Variants in PTPN1 observed in about 807,000 individuals in gnomAD.
PTPN1 encodes the protein protein tyrosine phosphatase non-receptor type 1.
PTPN1 carries 12 observed loss-of-function variants against 59.9 expected under a neutral mutation model. The ratio of observed to expected loss-of-function variants is 0.20; its 90% CI spans 0.13 to 0.32. PTPN1 has a LOEUF of 0.32. PTPN1 is among the 10% of genes least tolerant of loss of function. The probability of loss-of-function intolerance (pLI) is 1.00; values close to 1 mark genes in which losing one functional copy is unlikely to be tolerated. For synonymous variants in PTPN1, 178 were observed against 203.6 expected, an observed-to-expected ratio of 0.87 and a Z score of 1.07; for missense variants, 356 against 549.2, an observed-to-expected ratio of 0.65 and a Z score of 3.52.
intron 4 of PTPN1, chr20:50,571,050 T>C (rs191519127): frequency 6.6e-6 from 1 of 152,400 alleles, no homozygotes; most frequent in African/African-American, 2.4e-5. Context: ...AAGGTTTGCT[T>C]TAGCAATTGT....
At chr20:50,573,129 A>G (rs552938480) in intron 4 of PTPN1, 1 of 152,340 alleles carries the variant, frequency 6.6e-6, no homozygotes, top group East Asian at 1.9e-4. Context: ...GCTCCAGTAG[A>G]GCAGGACCAA....
At chr20:50,552,148 G>A (rs1273798495) in intron 1 of PTPN1, among the ~76,000 whole-genome samples, 1 of 152,016 alleles carries the variant, frequency 6.6e-6, no homozygotes, top group East Asian at 1.9e-4. Flanking sequence ...GTTACGGTAC[G>A]GTAGTCTACT....
intron 7 of PTPN1, 105 bp downstream of exon 7, chr20:50,579,434 A>C (rs1034458009): frequency 7.8e-7 from 1 of 1,285,584 alleles, no homozygotes; most frequent in Non-Finnish European, 1.1e-6. Context: ...GTGTCAGGGG[A>C]AATAGCTACC....
In PTPN1 at chr20:50,582,842, A is replaced by T; in HGVS notation, c.*127A>T. 8.4e-7 allele frequency: 1 copy of T among 1,184,742 alleles called. No individual in the cohort carries two copies. Among genetic ancestry groups the T allele is most frequent in the Non-Finnish European group, 1.2e-6 (1 of 821,946 alleles). The allele number at this position is 1,184,742 out of a possible 1,614,324, so 73.4% of individuals were successfully genotyped here. On this transcript the variant is annotated 3_prime_UTR_variant, in exon 10 of 10. Coordinates refer to ENST00000371621, the MANE Select transcript of PTPN1 (RefSeq NM_002827.4). This position sits in a 1 kb window ranked among gnomAD's most constrained non-coding sequence, Gnocchi z 4.2. ...GCGTAGAGAGCCGGGCCCCGGACGG[A>T]CGTTGGTTCTGCACTAAAACCCATC... is the stretch of plus-strand genomic sequence containing the variant.
chr20:50,514,214 G>A (rs575509881), intron 1 of PTPN1, among the ~76,000 whole-genome samples: 1 of 152,142 alleles, frequency 6.6e-6, no homozygotes, highest in Non-Finnish European at 1.5e-5. Flanking sequence ...GTCAGCTGGG[G>A]GATAATGGTA....
chr20:50,539,093 C>T (rs777665380), intron 1 of PTPN1, among the ~76,000 whole-genome samples: 10 of 138,366 alleles, frequency 7.2e-5, no homozygotes, highest in African/African-American at 8.1e-5. Context: ...TGGAGTGCAA[C>T]GGCACGATTT....
intron 1 of PTPN1, among the ~76,000 whole-genome samples, chr20:50,540,419 G>A (rs1051355711): frequency 6.6e-6 from 1 of 152,136 alleles, no homozygotes; most frequent in African/African-American, 2.4e-5. Context: ...GAAGGGGGTG[G>A]TGCCAGGCTT....
intron 5 of PTPN1, chr20:50,578,169 G>A (rs1601415432): frequency 2.1e-6 from 1 of 480,502 alleles, no homozygotes. Flanking sequence ...GAGAAAAGAG[G>A]TGAGGGGACT....
intron 4 of PTPN1, among the ~76,000 whole-genome samples, chr20:50,570,321 GT>G (rs553820621): frequency 8.6e-4 from 131 of 152,138 alleles, no homozygotes; most frequent in African/African-American, 3.1e-3. Flanking sequence ...TGGGGTTGGG[GT>G]TTTTTGGGGG....
At chr20:50,576,573 A>C (rs963545483) in intron 5 of PTPN1, among the ~76,000 whole-genome samples, 5 of 152,134 alleles carry the variant, frequency 3.3e-5, no homozygotes, top group Non-Finnish European at 5.9e-5. Flanking sequence ...TTCAATTTTA[A>C]AATACATTTT....
At chr20:50,545,143 A>T (rs2082669286) in intron 1 of PTPN1, among the ~76,000 whole-genome samples, 2 of 152,060 alleles carry the variant, frequency 1.3e-5, no homozygotes, top group African/African-American at 4.8e-5. Flanking sequence ...TATTTATTTT[A>T]TTTATATTGC....
In PTPN1 at chr20:50,569,887, G is replaced by A. The variant is rs568750179; in HGVS notation, c.354+1409G>A. 3.9e-5 allele frequency among the ~76,000 whole-genome samples: 6 copies of A among 152,336 alleles called. No individual in the cohort carries two copies. The East Asian group carries it at 9.7e-4, about 25-fold the overall frequency. The stretch of plus-strand genomic sequence containing the variant: ...CAGGCTCCTCGGCCTCCCTGCCCTC[G>A]CTGCTCCCCAACACTGCCAACCCTG... On this transcript the variant is annotated intron_variant, in intron 4 of 9. Coordinates refer to ENST00000371621, the MANE Select transcript of PTPN1 (RefSeq NM_002827.4).
At chr20:50,523,532 A>G (rs2082560322) in intron 1 of PTPN1, among the ~76,000 whole-genome samples, 2 of 152,152 alleles carry the variant, frequency 1.3e-5, no homozygotes, top group African/African-American at 4.8e-5. Flanking sequence ...TCTCGTCTAG[A>G]TTGTAAGCTC....
rs1046436772 is a variant in PTPN1, at chr20:50,584,111, C to T, written c.*1396C>T. On this transcript the variant is annotated 3_prime_UTR_variant, in exon 10 of 10. Transcript: ENST00000371621. ...CTGCAAAGGGAACTGAAGACCTCCA[C>T]ATTAAGTGGCTTTTTAACATGAAAA... 1 of 152,674 alleles carries T rather than the reference C, an allele frequency of 6.5e-6. No homozygotes were observed. The highest frequency in any genetic ancestry group is 1.5e-5 in the Non-Finnish European group (1 of 68,046). 9.5% of individuals were successfully genotyped at this position (152,674 alleles called of 1,614,324 possible). A position where few individuals can be genotyped will look rare whatever the true frequency, so the allele number is the denominator to read the frequency against.
chr20:50,519,305 C>G (rs2082541439), intron 1 of PTPN1, among the ~76,000 whole-genome samples: 1 of 152,178 alleles, frequency 6.6e-6, no homozygotes, highest in African/African-American at 2.4e-5. Context: ...TTAATACACT[C>G]AGAGAGAGAA....
At position 50,582,811 on chromosome 20, in the gene PTPN1, C is replaced by T. The variant is rs911984870; in HGVS notation, c.*96C>T. The T allele has an allele frequency of 9.9e-5, 149 of 1,498,010 alleles. No individual in the cohort carries two copies. Among genetic ancestry groups the T allele is most frequent in the South Asian group, 4.7e-5 (4 of 85,568 alleles). The allele number at this position is 1,498,010 out of a possible 1,614,324, so 92.8% of individuals were successfully genotyped here. ...GCATGCCGCGGTAGGTAAGGGCCGC[C>T]GGACCGCGTAGAGAGCCGGGCCCCG... On this transcript the variant is annotated 3_prime_UTR_variant, in exon 10 of 10. Coordinates refer to ENST00000371621, the MANE Select transcript of PTPN1 (RefSeq NM_002827.4). This position sits in a 1 kb window ranked among gnomAD's most constrained non-coding sequence, Gnocchi z 4.2.
chr20:50,525,326 G>T (rs1336002610), intron 1 of PTPN1, among the ~76,000 whole-genome samples: 1 of 152,236 alleles, frequency 6.6e-6, no homozygotes, highest in Non-Finnish European at 1.5e-5. Flanking sequence ...CTCCCAAAGT[G>T]CTGGGATTAC....
intron 1 of PTPN1, among the ~76,000 whole-genome samples, chr20:50,531,747 C>T (rs2082602073): frequency 1.3e-5 from 2 of 152,160 alleles, no homozygotes; most frequent in Admixed American, 6.5e-5. Context: ...ATGCTGGGCT[C>T]CACTGTGCTT....
intron 2 of PTPN1, chr20:50,563,202 CT>C (rs1242919438): frequency 6.6e-6 from 1 of 151,884 alleles, no homozygotes; most frequent in Non-Finnish European, 1.5e-5. Flanking sequence ...TACTCCTATC[CT>C]CCTCCCGTAC....
Sources: gnomAD v4.1 joint callset for allele counts (sites outside exome capture counted in the v4.1 genomes callset) on GRCh38, gnomAD v4.1.1 for gene constraint, Gnocchi (gnomAD v3.1) non-coding constraint, MANE v1.5 for transcripts, NCBI Gene and HGNC (gene_info 2026-07-23, HGNC 2026-07-21) for gene names.